The following DPP9 variants were observed in gnomAD, a reference collection of about 807,000 sequenced individuals.
DPP9 encodes the protein dipeptidyl peptidase IV-related protein-2.
DPP9 carries 50 observed loss-of-function variants against 110.7 expected under a neutral mutation model. That is an observed-to-expected ratio of 0.45 (90% CI 0.36 to 0.57). The LOEUF (loss-of-function observed/expected upper bound fraction) is 0.57. Among genes scored for constraint, DPP9 ranks in the 20% least tolerant of loss-of-function variants. The pLI, the probability that DPP9 is intolerant of heterozygous loss-of-function variation, is 0.00. For synonymous variants in DPP9, 561 were observed against 514.4 expected, an observed-to-expected ratio of 1.09 and a Z score of -1.23; for missense variants, 1,022 against 1,217.9, an observed-to-expected ratio of 0.84 and a Z score of 2.39.
chr19:4,687,759 C>T lies in DPP9; in HGVS notation c.1885+998G>A, dbSNP rs2090912412. 6.6e-6 allele frequency among the ~76,000 whole-genome samples: 1 copy of T among 152,018 alleles called. No homozygotes were observed. The highest frequency in any genetic ancestry group is 2.1e-4 in the South Asian group (1 of 4,834). On this transcript the variant is annotated intron_variant, in intron 16 of 21. Coordinates refer to ENST00000262960, the MANE Select transcript of DPP9 (RefSeq NM_139159.5). The surrounding 1 kb of genome is among the most constrained non-coding windows in gnomAD (Gnocchi z 4.7). ...GGTTTCAAACCAGTGTGGGTGGACT[C>T]TGACATCCCGGCCACCCCTGCATGG...
chr19:4,688,905 T>C lies in DPP9; in HGVS notation c.1750-13A>G. The C allele has an allele frequency of 6.6e-7, 1 of 1,513,394 alleles. No homozygotes were observed. Among genetic ancestry groups the C allele is most frequent in the Non-Finnish European group, 8.7e-7 (1 of 1,147,966 alleles). The allele number at this position is 1,513,394 out of a possible 1,614,324, so 93.7% of individuals were successfully genotyped here. A position where few individuals can be genotyped will look rare whatever the true frequency, so the allele number is the denominator to read the frequency against. On this transcript the variant is annotated splice_polypyrimidine_tract_variant and intron_variant, in intron 15 of 21. Transcript: ENST00000262960. ...ACATGTCGAAGTTCTGGGGGTGGAA[T>C]GGGGTGATGAGCTCCACGGGATGCC...
Position 4,695,348 on chromosome 19 carries a change from G to A in DPP9, c.1353+30C>T, listed in dbSNP as rs1026807243. The A allele has an allele frequency of 7.2e-6, 11 of 1,531,730 alleles. No homozygotes were observed. The highest frequency in any genetic ancestry group is 1.7e-4 in the Middle Eastern group (1 of 5,814). The allele number at this position is 1,531,730 out of a possible 1,614,324, so 94.9% of individuals were successfully genotyped here. A position where few individuals can be genotyped will look rare whatever the true frequency, so the allele number is the denominator to read the frequency against. On this transcript the variant is annotated intron_variant, in intron 12 of 21. Coordinates refer to ENST00000262960, the MANE Select transcript of DPP9 (RefSeq NM_139159.5). The surrounding 1 kb of genome is among the most constrained non-coding windows in gnomAD (Gnocchi z 4.7). ...GACAGTGTGACTCCAGGGCCCAGGC[G>A]GGCATACAGCCAGCGCTTGCCCCGC...
intron 5 of DPP9, among the ~76,000 whole-genome samples, 164 bp downstream of exon 5, chr19:4,705,694 G>T (rs1240448214): frequency 4.6e-5 from 7 of 152,258 alleles, no homozygotes; most frequent in Admixed American, 4.6e-4. Flanking sequence ...AGGTGGTCAG[G>T]GGGAGGAGGG....
chr19:4,684,172 G>A lies in DPP9; in HGVS notation c.2178+491C>T. 1 of 275,062 alleles carries A rather than the reference G, an allele frequency of 3.6e-6. No individual in the cohort carries two copies. Among genetic ancestry groups the A allele is most frequent in the Non-Finnish European group, 7.2e-6 (1 of 139,240 alleles). The allele number at this position is 275,062 out of a possible 1,614,324, so 17.0% of individuals were successfully genotyped here. On this transcript the variant is annotated intron_variant, in intron 18 of 21. Coordinates refer to ENST00000262960, the MANE Select transcript of DPP9 (RefSeq NM_139159.5). The surrounding 1 kb of genome is among the most constrained non-coding windows in gnomAD (Gnocchi z 4.8). The stretch of plus-strand genomic sequence containing the variant: ...GCCCTTATAAAAGGGCCTGATGGAG[G>A]GAGGCCACGGCTTTTCCGCTCCTTG...
rs546548806 is a variant in DPP9 at position 4,693,066 on chromosome 19, G to A, written c.1516+1595C>T. ...TGTGTTGGGGGACGCCTTGGCTGCT[G>A]TGTGGGCTCTGCCCCCAGAGGGCAC... On this transcript the variant is annotated intron_variant, in intron 13 of 21. Transcript: ENST00000262960. The surrounding 1 kb of genome is among the most constrained non-coding windows in gnomAD (Gnocchi z 5.0). 1.1e-4 allele frequency among the ~76,000 whole-genome samples: 16 copies of A among 152,290 alleles called. No homozygotes were observed. Among genetic ancestry groups the A allele is most frequent in the African/African-American group, 3.8e-4 (16 of 41,562 alleles).
intron 11 of DPP9, 58 bp downstream of exon 11, chr19:4,697,493 T>TGCCCAGG (rs1333732413): frequency 3.4e-6 from 5 of 1,464,910 alleles, no homozygotes; most frequent in Admixed American, 1.9e-5. Context: ...CTTCGGTGGC[T>TGCCCAGG]GCCCAGGGCC....
chr19:4,703,856 G>A, intron 7 of DPP9, 30 bp downstream of exon 7: 2 of 1,578,174 alleles, frequency 1.3e-6, no homozygotes, highest in Non-Finnish European at 8.6e-7. Context: ...GGTGGCTATG[G>A]TGGCCGTGCA....
At chr19:4,678,805 A>C (rs2089296270) in intron 21 of DPP9, among the ~76,000 whole-genome samples, 1 of 152,096 alleles carries the variant, frequency 6.6e-6, no homozygotes, top group Non-Finnish European at 1.5e-5. Context: ...TGCAGTCCAC[A>C]GGTAATAAAA....
rs1029220186 is a variant in DPP9 at position 4,700,700 on chromosome 19, C to CA, written c.1013-424dup. 4.6e-5 allele frequency among the ~76,000 whole-genome samples: 7 copies of CA among 152,276 alleles called. No homozygotes were observed. ...CGTGACAAGTGGGGTGTGTCCCATG[C>CA]AAAACCAGGGAGCCCGTGTGACAGC... On this transcript the variant is annotated intron_variant, in intron 9 of 21. Transcript: ENST00000262960. The surrounding 1 kb of genome is among the most constrained non-coding windows in gnomAD (Gnocchi z 4.3).
At chr19:4,723,036 A>C (rs924635076) in intron 1 of DPP9, among the ~76,000 whole-genome samples, 1 of 152,114 alleles carries the variant, frequency 6.6e-6, no homozygotes, top group African/African-American at 2.4e-5. Context: ...AGGGGGCTGA[A>C]CCCTGTGGGC....
rs1237377897 is a variant in DPP9 at position 4,679,928 on chromosome 19, G to T, written c.2493C>A (p.Ile831=). ...KLPNEPNRLL[I]LHGFLDENVH... ...CGTTTTCGTCCAGGAAGCCGTGGAG[G>T]ATAAGCAAGCGGTTGGGCCTGGAAA... The change falls in exon 21 of 22, where the codon ATC becomes ATA. Residue 831 remains isoleucine (I), a synonymous_variant. Coordinates refer to ENST00000262960, the MANE Select transcript of DPP9 (RefSeq NM_139159.5). 1 of 1,612,978 alleles carries T rather than the reference G, an allele frequency of 6.2e-7. No homozygotes were observed. The highest frequency in any genetic ancestry group is 8.5e-7 in the Non-Finnish European group (1 of 1,179,614).
At chr19:4,720,993 G>A (rs2093295950) in intron 2 of DPP9, among the ~76,000 whole-genome samples, 1 of 152,308 alleles carries the variant, frequency 6.6e-6, no homozygotes, top group East Asian at 1.9e-4. Flanking sequence ...TAGGGCAGAG[G>A]ATCATGGGAC....
intron 3 of DPP9, chr19:4,715,898 A>T (rs1568334060): frequency 6.6e-6 from 1 of 151,952 alleles, no homozygotes; most frequent in Admixed American, 6.6e-5. Flanking sequence ...CACTTAGCAC[A>T]CTCCTTGACC....
At position 4,719,903 on chromosome 19, in the gene DPP9, G is replaced by A. The variant is rs1270804434; in HGVS notation, c.4C>T (p.Arg2Trp). 1.2e-5 allele frequency: 19 copies of A among 1,551,558 alleles called. No individual in the cohort carries two copies. Among genetic ancestry groups the A allele is most frequent in the African/African-American group, 2.7e-5 (2 of 73,034 alleles). The change falls in exon 3 of 22, where the codon CGG becomes TGG. Residue 2 changes from arginine (R) to tryptophan (W), a missense_variant. By Grantham distance (101) the Arg-to-Trp change is moderately radical. Transcript: ENST00000262960. ...TCCAGGCGCAGTTTCTTAACCTTCC[G>A]CATTAACCGCTCAGCTGACCTCAGG... Reference protein sequence around the residue: MRKVKKLRLDKE... With the variant: MWKVKKLRLDKE...
chr19:4,705,934 T>C lies in DPP9; in HGVS notation c.350A>G (p.Tyr117Cys). Residue 117 changes from tyrosine (Y) to cysteine (C), a missense_variant, in exon 5 of 22, where the codon TAC (tyrosine) becomes TGC (cysteine). This residue lies in a region of DPP9 where 810 missense variants were observed against 920.6 expected (regional missense o/e 0.88). Coordinates refer to ENST00000262960, the MANE Select transcript of DPP9 (RefSeq NM_139159.5). Reference sequence around the variant, plus strand: ...CCGGACCTTCTTGGGAATCTCAGAGTAGAGGAGGGAGTTCTCTCGGCTGCC... The same window carrying C: ...CCGGACCTTCTTGGGAATCTCAGAGCAGAGGAGGGAGTTCTCTCGGCTGCC... ...PYGSRENSLL[Y>C]SEIPKKVRKE... 1.9e-6 allele frequency: 3 copies of C among 1,613,452 alleles called. No individual in the cohort carries two copies. Among genetic ancestry groups the C allele is most frequent in the Non-Finnish European group, 2.5e-6 (3 of 1,179,708 alleles).
rs531015203 is a variant in DPP9 at position 4,680,656 on chromosome 19, TA to T, written c.2475-711del. Among the ~76,000 whole-genome samples, 1,048 of 127,310 alleles carry T rather than the reference TA, an allele frequency of 8.2e-3. 7 individuals are homozygous for T. The highest frequency in any genetic ancestry group is 0.015 in the African/African-American group (543 of 35,230). 83.5% of individuals were successfully genotyped at this position (127,310 alleles called of 152,430 possible). ...CTGGGAGGGTGCAGTGAGCTATGAT[TA>T]AAAAAAAAAAAAAAAAATGCTGAGC... is the stretch of plus-strand genomic sequence containing the variant. On this transcript the variant is annotated intron_variant, in intron 20 of 21. Coordinates refer to ENST00000262960, the MANE Select transcript of DPP9 (RefSeq NM_139159.5).
intron 20 of DPP9, among the ~76,000 whole-genome samples, chr19:4,681,842 CTTT>C (rs778786711): frequency 1.7e-5 from 2 of 115,710 alleles, no homozygotes; most frequent in African/African-American, 3.5e-5. Context: ...CCCAGGCAGA[CTTT>C]TTTTTTTTTT....
chr19:4,697,580 G>A lies in DPP9; in HGVS notation c.1146C>T (p.Ala382=), dbSNP rs200375472. 2,051 of 1,613,766 alleles carry A rather than the reference G, an allele frequency of 1.3e-3. 3 individuals carry two copies. The highest frequency in any genetic ancestry group is 1.5e-3 in the Non-Finnish European group (1,804 of 1,179,850). The stretch of plus-strand genomic sequence containing the variant: ...TGCCATCCCGGGTCCACCCGGCCCT[G>A]GCGATGTACTCCACCTTCGGGAACA... ...SSLFPKVEYI[A]RAGWTRDGKY... Residue 382 remains alanine, a synonymous_variant, in exon 11 of 22, where the codon GCC becomes GCT. Transcript: ENST00000262960.
intron 9 of DPP9, among the ~76,000 whole-genome samples, chr19:4,701,107 G>A (rs762401423): frequency 1.9e-4 from 29 of 152,184 alleles, no homozygotes; most frequent in Middle Eastern, 3.2e-3. Flanking sequence ...GCCTGAACGC[G>A]GAATCTGGGC....
Sources: allele counts gnomAD v4.1 joint callset (sites outside exome capture counted in the v4.1 genomes callset), GRCh38; gene constraint gnomAD v4.1.1; regional missense constraint gnomAD v4.1.1; non-coding constraint Gnocchi (gnomAD v3.1); transcripts MANE v1.5; gene names NCBI Gene and HGNC (gene_info 2026-07-23, HGNC 2026-07-21).